Variants in MPDZ observed in about 807,000 individuals in gnomAD.
MPDZ encodes the protein multiple PDZ domain protein.
MPDZ carries 234 observed loss-of-function variants against 239.1 expected under a neutral mutation model. That is an observed-to-expected ratio of 0.98 (90% CI 0.88 to 1.09). The LOEUF is 1.09. Ranked by LOEUF, MPDZ falls within the 50% of genes least tolerant of loss-of-function variation. MPDZ has a pLI of 0.00. For missense variants in MPDZ, 3,175 were observed against 2,510.0 expected, an observed-to-expected ratio of 1.26 and a Z score of -5.66; for synonymous variants, 1,048 against 881.3, an observed-to-expected ratio of 1.19 and a Z score of -3.35.
chr9:13,174,875 A>C (rs1017889207), intron 21 of MPDZ, among the ~76,000 whole-genome samples: 4 of 152,200 alleles, frequency 2.6e-5, no homozygotes, highest in African/African-American at 9.6e-5. Context: ...AAAATCTTGG[A>C]GACCAAGGCT....
intron 42 of MPDZ, 107 bp downstream of exon 42, chr9:13,112,904 C>A: frequency 9.1e-7 from 1 of 1,104,722 alleles, no homozygotes; most frequent in Non-Finnish European, 1.3e-6. Context: ...AGAATACATA[C>A]TTTTTGAGAT....
chr9:13,216,274 T>C (rs1048339624), intron 10 of MPDZ, among the ~76,000 whole-genome samples: 1 of 151,472 alleles, frequency 6.6e-6, no homozygotes, highest in South Asian at 2.1e-4. Flanking sequence ...CAATGATAGC[T>C]TGAACTAATT....
At chr9:13,125,079 G>T in intron 35 of MPDZ, 137 bp downstream of exon 35, 1 of 675,928 alleles carries the variant, frequency 1.5e-6, no homozygotes, top group Non-Finnish European at 2.4e-6. Context: ...TTTATATCCT[G>T]CCCTCACCAT....
At chr9:13,195,712 G>T (rs1373420183) in intron 13 of MPDZ, among the ~76,000 whole-genome samples, 1 of 152,112 alleles carries the variant, frequency 6.6e-6, no homozygotes, top group Non-Finnish European at 1.5e-5. Flanking sequence ...GAGTGGAAAA[G>T]AAAGAGTAGA....
chr9:13,217,123 A>G, intron 9 of MPDZ, 57 bp downstream of exon 9: 1 of 1,138,548 alleles, frequency 8.8e-7, no homozygotes, highest in Non-Finnish European at 1.3e-6. Flanking sequence ...ATTTTATAAG[A>G]GATAGATATC....
Position 13,131,719 on chromosome 9 carries a change from A to G in MPDZ, c.4464+2105T>C, listed in dbSNP as rs78319064. On this transcript the variant is annotated intron_variant, in intron 32 of 46. Coordinates refer to ENST00000319217, the MANE Select transcript of MPDZ (RefSeq NM_001378778.1). Reference sequence around the variant, plus strand: ...TACTTTCTAGAGGGTGGATGCTGGGATCCACTGTCTTGTGGCCACCAGCAG... The same window carrying G: ...TACTTTCTAGAGGGTGGATGCTGGGGTCCACTGTCTTGTGGCCACCAGCAG... Among the ~76,000 whole-genome samples the G allele has an allele frequency of 2.4e-3, 363 of 152,296 alleles. 5 individuals carry two copies. Among genetic ancestry groups the G allele is most frequent in the African/African-American group, 8.0e-3 (334 of 41,574 alleles).
intron 12 of MPDZ, among the ~76,000 whole-genome samples, chr9:13,200,598 G>A (rs1026906274): frequency 9.2e-5 from 14 of 151,964 alleles, no homozygotes; most frequent in African/African-American, 3.4e-4. Context: ...TAGGCCATAG[G>A]TTTGGTATGC....
intron 1 of MPDZ, among the ~76,000 whole-genome samples, chr9:13,278,382 CG>C (rs1974734921): frequency 6.6e-6 from 1 of 152,174 alleles, no homozygotes; most frequent in Non-Finnish European, 1.5e-5. Context: ...GGCCCCCACT[CG>C]CCCCCAGTGA....
At chr9:13,157,318 T>C (rs1187373273) in intron 24 of MPDZ, among the ~76,000 whole-genome samples, 1 of 152,210 alleles carries the variant, frequency 6.6e-6, no homozygotes, top group African/African-American at 2.4e-5. Flanking sequence ...CATGTGTCTC[T>C]ACATCTTGCC....
At chr9:13,128,139 T>C (rs1945391921) in intron 32 of MPDZ, among the ~76,000 whole-genome samples, 1 of 152,158 alleles carries the variant, frequency 6.6e-6, no homozygotes, top group Non-Finnish European at 1.5e-5. Flanking sequence ...TTTCAGGCTG[T>C]AGATTAAAAA....
At chr9:13,254,619 T>C (rs1968969798) in intron 1 of MPDZ, among the ~76,000 whole-genome samples, 1 of 152,196 alleles carries the variant, frequency 6.6e-6, no homozygotes, top group African/African-American at 2.4e-5. Context: ...GCAGGATCAG[T>C]TCCAGACCAC....
intron 38 of MPDZ, among the ~76,000 whole-genome samples, chr9:13,120,909 A>G (rs577634880): frequency 5.3e-5 from 8 of 152,350 alleles, no homozygotes; most frequent in Non-Finnish European, 1.2e-4. Flanking sequence ...GGCACTTTTT[A>G]CTGAATGCTG....
intron 13 of MPDZ, among the ~76,000 whole-genome samples, chr9:13,195,226 T>C (rs1006858278): frequency 6.6e-6 from 1 of 152,102 alleles, no homozygotes; most frequent in Non-Finnish European, 1.5e-5. Flanking sequence ...TGGTCAAGGC[T>C]GCAGTGAGCC....
At chr9:13,107,919 G>C (rs1304011318) in intron 46 of MPDZ, among the ~76,000 whole-genome samples, 2 of 152,108 alleles carry the variant, frequency 1.3e-5, no homozygotes, top group South Asian at 4.1e-4. Flanking sequence ...CCTAGGCTGA[G>C]GAAAAGGACT....
chr9:13,226,338 T>C (rs1960599158), intron 3 of MPDZ, among the ~76,000 whole-genome samples: 1 of 152,122 alleles, frequency 6.6e-6, no homozygotes, highest in Admixed American at 6.6e-5. Context: ...AATCCTAATT[T>C]CATATTTATG....
intron 10 of MPDZ, among the ~76,000 whole-genome samples, chr9:13,213,861 C>A (rs1957956090): frequency 6.6e-6 from 1 of 151,950 alleles, no homozygotes; most frequent in African/African-American, 2.4e-5. Context: ...TCAATGATAG[C>A]CCTCAATAAA....
intron 21 of MPDZ, among the ~76,000 whole-genome samples, chr9:13,171,281 T>C (rs1427284155): frequency 1.3e-5 from 2 of 152,182 alleles, no homozygotes; most frequent in South Asian, 4.1e-4. Context: ...CAAGGTTACA[T>C]TGCTCCCTAA....
At chr9:13,260,529 T>A (rs1422097133) in intron 1 of MPDZ, among the ~76,000 whole-genome samples, 1 of 152,208 alleles carries the variant, frequency 6.6e-6, no homozygotes, top group Non-Finnish European at 1.5e-5. Flanking sequence ...TGCTATGGAA[T>A]GAACTGTGTT....
chr9:13,235,523 A>G (rs961513126), intron 3 of MPDZ, among the ~76,000 whole-genome samples: 3 of 152,218 alleles, frequency 2.0e-5, no homozygotes, highest in Non-Finnish European at 4.4e-5. Flanking sequence ...TCACTCAGAT[A>G]CTGAGATAAG....
Sources: allele counts gnomAD v4.1 joint callset (sites outside exome capture counted in the v4.1 genomes callset), GRCh38; gene constraint gnomAD v4.1.1; transcripts MANE v1.5; gene names NCBI Gene and HGNC (gene_info 2026-07-23, HGNC 2026-07-21).